DNAH1: variants seen among roughly 807,000 people sequenced by gnomAD.
DNAH1 encodes the protein axonemal beta dynein heavy chain 1.
DNAH1 carries 327 observed loss-of-function variants against 484.3 expected under a neutral mutation model. The observed-to-expected ratio is 0.68, with a 90% CI of 0.62 to 0.74. DNAH1 has a LOEUF of 0.74. DNAH1 is among the 30% of genes least tolerant of loss of function. The pLI, the probability that DNAH1 is intolerant of heterozygous loss-of-function variation, is 0.00. For synonymous variants in DNAH1, 2,192 were observed against 2,191.9 expected (o/e 1.00, Z 0.00); for missense variants, 5,052 against 5,546.8 (o/e 0.91, Z 2.83).
At position 52,388,205 on chromosome 3, in the gene DNAH1, G is replaced by A. The variant is rs61734630; in HGVS notation, c.9042G>A (p.Pro3014=). 13 of 1,609,324 alleles carry A rather than the reference G, an allele frequency of 8.1e-6. No individual in the cohort carries two copies. Among genetic ancestry groups the A allele is most frequent in the Admixed American group, 5.1e-5 (3 of 59,370 alleles). Residue 3014 remains proline (P), a synonymous_variant, in exon 57 of 78, where the codon CCG becomes CCA. Transcript: ENST00000420323. ...ATGTGGTGATCAAAGCCATCCAGCC[G>A]TACATCGATAATGAAGAGTTCCAGC... The part of the protein sequence containing the change: ...IGDVVIKAIQ[P]YIDNEEFQPA...
intron 44 of DNAH1, 126 bp downstream of exon 44, chr3:52,373,179 A>G (rs1703425017): frequency 4.2e-6 from 5 of 1,203,250 alleles, no homozygotes; most frequent in Non-Finnish European, 5.5e-6. Context: ...TTCTCTTAAA[A>G]TTAAAGGGGA....
chr3:52,387,628 G>A (rs941873693), intron 56 of DNAH1, among the ~76,000 whole-genome samples: 5 of 152,168 alleles, frequency 3.3e-5, no homozygotes, highest in African/African-American at 1.2e-4. Context: ...TGAGAGAAGC[G>A]CCCAAGTCAG....
upstream of DNAH1, among the ~76,000 whole-genome samples, chr3:52,315,157 T>C (rs1173380371): frequency 6.6e-6 from 1 of 152,140 alleles, no homozygotes; most frequent in Admixed American, 6.5e-5. Context: ...CCCATTCCCT[T>C]CTCTGACACC....
intron 52 of DNAH1, 85 bp from the exon 53 acceptor site, chr3:52,384,701 C>G: frequency 5.7e-6 from 8 of 1,400,030 alleles, no homozygotes; most frequent in Non-Finnish European, 7.6e-6. Context: ...CCCTCCTCGG[C>G]CCAGGTTGCA....
rs565016920 is a variant in DNAH1 at position 52,400,316 on chromosome 3, C to T, written c.12677-9C>T. On this transcript the variant is annotated splice_polypyrimidine_tract_variant and intron_variant, in intron 77 of 77. Coordinates refer to ENST00000420323, the MANE Select transcript of DNAH1 (RefSeq NM_015512.5). ...TGACCTAACCCGTCCCCCTCCTTGCCCATTCCAGGAACACTATCAACCACA... is the reference window on the plus strand; with the variant it reads ...TGACCTAACCCGTCCCCCTCCTTGCTCATTCCAGGAACACTATCAACCACA... 1 of 1,613,792 alleles carries T rather than the reference C, an allele frequency of 6.2e-7. No individual in the cohort carries two copies. The highest frequency in any genetic ancestry group is 8.5e-7 in the Non-Finnish European group (1 of 1,179,842).
intron 52 of DNAH1, 137 bp from the exon 53 acceptor site, chr3:52,384,649 C>T (rs1199942199): frequency 5.7e-6 from 5 of 882,574 alleles, no homozygotes; most frequent in South Asian, 1.8e-5. Context: ...TCGTGAGGCT[C>T]ATAGAGTGAA....
chr3:52,340,970 T>TCCTC (rs780188963), intron 8 of DNAH1, among the ~76,000 whole-genome samples: 13 of 151,728 alleles, frequency 8.6e-5, no homozygotes, highest in East Asian at 1.9e-4. Context: ...CTTCCTTCCT[T>TCCTC]CCTCCCTCCC....
In DNAH1 at chr3:52,381,690, G is replaced by A. The variant is rs775335940; in HGVS notation, c.7659G>A (p.Thr2553=). ...EYIEDYNQIN[T]AKLKLVLFMD... is the part of the protein sequence containing the mutation. ...TAGAGGACTACAACCAGATCAACAC[G>A]GCCAAGCTGAAGCTGGTCCTCTTCA... is the stretch of plus-strand genomic sequence containing the variant. The change falls in exon 49 of 78, where the codon ACG becomes ACA. Residue 2553 remains threonine (T), a synonymous_variant. Coordinates refer to ENST00000420323, the MANE Select transcript of DNAH1 (RefSeq NM_015512.5). This position sits in a 1 kb window ranked among gnomAD's most constrained non-coding sequence, Gnocchi z 4.1. The A allele has an allele frequency of 2.7e-5, 43 of 1,608,540 alleles. No homozygotes were observed. The East Asian group carries it at 4.7e-4, about 18-fold the overall frequency.
intron 41 of DNAH1, 133 bp downstream of exon 41, chr3:52,370,958 T>G (rs1703314616): frequency 1.2e-6 from 1 of 818,074 alleles, no homozygotes; most frequent in African/African-American, 1.7e-5. Flanking sequence ...GTTATTTGCA[T>G]CATCTCATGA....
chr3:52,381,929 G>C lies in DNAH1; in HGVS notation c.7805+93G>C, dbSNP rs746729492. On this transcript the variant is annotated intron_variant, in intron 49 of 77. Transcript: ENST00000420323. This position sits in a 1 kb window ranked among gnomAD's most constrained non-coding sequence, Gnocchi z 4.1. ...GCTTTTGCACAGTGGTAGAGGCCTCGGGCAACCCTGAAGTAGGCCCGTGCA... is the reference window on the plus strand; with the variant it reads ...GCTTTTGCACAGTGGTAGAGGCCTCCGGCAACCCTGAAGTAGGCCCGTGCA... The C allele has an allele frequency of 7.3e-7, 1 of 1,361,680 alleles. No individual in the cohort carries two copies. The highest frequency in any genetic ancestry group is 1.4e-5 in the South Asian group (1 of 70,184). The allele number at this position is 1,361,680 out of a possible 1,614,324, so 84.3% of individuals were successfully genotyped here. A position where few individuals can be genotyped will look rare whatever the true frequency, so the allele number is the denominator to read the frequency against.
rs1478039879 is a variant in DNAH1, at chr3:52,375,389, T to TC, written c.7137dup (p.Thr2380HisfsTer75). 1 of 1,613,528 alleles carries TC rather than the reference T, an allele frequency of 6.2e-7. No individual in the cohort carries two copies. The highest frequency in any genetic ancestry group is 8.5e-7 in the Non-Finnish European group (1 of 1,179,804). On this transcript the variant is annotated frameshift_variant, in exon 45 of 78. Coordinates refer to ENST00000420323, the MANE Select transcript of DNAH1 (RefSeq NM_015512.5). LOFTEE classifies it high-confidence loss of function. ...CGAGGTCAGCAAGAAACGCATCTTC[T>TC]CCACCATCCTGGGCAACTGGTTGGG...
In DNAH1 at chr3:52,379,806, GC is replaced by G; in HGVS notation, c.7378-95del. The G allele has an allele frequency of 9.5e-7, 1 of 1,057,174 alleles. No individual in the cohort carries two copies. The highest frequency in any genetic ancestry group is 2.7e-5 in the Admixed American group (1 of 36,388). 65.5% of individuals were successfully genotyped at this position (1,057,174 alleles called of 1,614,324 possible). A position where few individuals can be genotyped will look rare whatever the true frequency, so the allele number is the denominator to read the frequency against. On this transcript the variant is annotated intron_variant, in intron 47 of 77. Transcript: ENST00000420323. This position sits in a 1 kb window ranked among gnomAD's most constrained non-coding sequence, Gnocchi z 4.4. ...GTGGGAGAGCCAGGCTCCAGTCAGG[GC>G]CCCAGGAACTGGGGCCCACCCTCCC...
rs77639782 is a variant in DNAH1, at chr3:52,353,186, G to A, written c.3111G>A (p.Ser1037=). ...CAGCGTCTGACTGGCTGCGCTGGTC[G>A]GAGAGCTGGATGAATGACCCCCTCT... is the stretch of plus-strand genomic sequence containing the variant. ...WTTASDWLRW[S]ESWMNDPLSA... The change falls in exon 19 of 78, where the codon TCG becomes TCA. Residue 1037 remains serine, a synonymous_variant. Transcript: ENST00000420323. This position sits in a 1 kb window ranked among gnomAD's most constrained non-coding sequence, Gnocchi z 5.0. The A allele has an allele frequency of 7.6e-3, 12,290 of 1,613,952 alleles. 67 individuals carry two copies. The highest frequency in any genetic ancestry group is 9.5e-3 in the Non-Finnish European group (11,201 of 1,179,878).
At position 52,353,579 on chromosome 3, in the gene DNAH1, C is replaced by G. The variant is rs781118318; in HGVS notation, c.3426C>G (p.Ile1142Met). The change falls in exon 20 of 78, where the codon ATC (isoleucine) becomes ATG (methionine). Residue 1142 changes from isoleucine (I) to methionine (M), a missense_variant. Physicochemically the swap from Ile to Met is conservative, Grantham distance 10 (BLOSUM62 1). This residue lies in a region of DNAH1 where 2,929 missense variants were observed against 3,409.4 expected (regional missense o/e 0.86). Transcript: ENST00000420323. This position sits in a 1 kb window ranked among gnomAD's most constrained non-coding sequence, Gnocchi z 5.0. ...RCLEMNLQDH[I>M]ESISKVAEVA... is the part of the protein sequence containing the mutation. The stretch of plus-strand genomic sequence containing the variant: ...TGGAGATGAACCTGCAGGACCATAT[C>G]GAGAGCATCAGCAAGGTGGCTGAGG... The G allele has an allele frequency of 4.3e-6, 7 of 1,612,122 alleles. No homozygotes were observed. The highest frequency in any genetic ancestry group is 5.9e-6 in the Non-Finnish European group (7 of 1,179,226).
chr3:52,395,201 C>T lies in DNAH1; in HGVS notation c.10969-107C>T. ...CTAAAGGCTCTGAGGTTCCAGCCCC[C>T]ACCAGGAAGCCCACTGGGGACCACT... On this transcript the variant is annotated intron_variant, in intron 68 of 77. Coordinates refer to ENST00000420323, the MANE Select transcript of DNAH1 (RefSeq NM_015512.5). The surrounding 1 kb of genome is among the most constrained non-coding windows in gnomAD (Gnocchi z 4.4). The T allele has an allele frequency of 6.7e-7, 1 of 1,493,358 alleles. No individual in the cohort carries two copies. Among genetic ancestry groups the T allele is most frequent in the South Asian group, 1.3e-5 (1 of 75,962 alleles). The allele number at this position is 1,493,358 out of a possible 1,614,324, so 92.5% of individuals were successfully genotyped here.
chr3:52,388,105 C>A, intron 56 of DNAH1, 62 bp from the exon 57 acceptor site: 1 of 1,558,208 alleles, frequency 6.4e-7, no homozygotes, highest in Non-Finnish European at 8.7e-7. Context: ...CACATCCCAG[C>A]AGAGCCCTTC....
In DNAH1 at chr3:52,353,758, G is replaced by T; in HGVS notation, c.3480+125G>T. On this transcript the variant is annotated intron_variant, in intron 20 of 77. Coordinates refer to ENST00000420323, the MANE Select transcript of DNAH1 (RefSeq NM_015512.5). The surrounding 1 kb of genome is among the most constrained non-coding windows in gnomAD (Gnocchi z 5.0). ...ATAAGCCCCATCCCTGGGGTCATGA[G>T]GCCCAGGGGTTGAGATGCATTCTAT... 1 of 1,321,416 alleles carries T rather than the reference G, an allele frequency of 7.6e-7. No homozygotes were observed. The highest frequency in any genetic ancestry group is 1.5e-5 in the African/African-American group (1 of 68,336). 81.9% of individuals were successfully genotyped at this position (1,321,416 alleles called of 1,614,324 possible).
rs145999578 is a variant in DNAH1 at position 52,331,433 on chromosome 3, A to G, written c.1033+124A>G. ...TGAATTCTACTTTTCTGTTTGCCCAATGCCCTGACCGGTGAGGACCAGAGG... is the reference window on the plus strand; with the variant it reads ...TGAATTCTACTTTTCTGTTTGCCCAGTGCCCTGACCGGTGAGGACCAGAGG... On this transcript the variant is annotated intron_variant, in intron 7 of 77. Coordinates refer to ENST00000420323, the MANE Select transcript of DNAH1 (RefSeq NM_015512.5). 2.5e-4 allele frequency: 286 copies of G among 1,166,050 alleles called. 1 individual carries two copies. In the East Asian group the frequency reaches 6.4e-3, roughly 26 times the overall value. The allele number at this position is 1,166,050 out of a possible 1,614,324, so 72.2% of individuals were successfully genotyped here. A position where few individuals can be genotyped will look rare whatever the true frequency, so the allele number is the denominator to read the frequency against.
intron 44 of DNAH1, 136 bp from the exon 45 acceptor site, chr3:52,375,104 T>C: frequency 9.6e-7 from 1 of 1,040,808 alleles, no homozygotes; most frequent in Non-Finnish European, 1.4e-6. Flanking sequence ...AATTTTCCTG[T>C]GTAATATTGA....
Sources: allele counts gnomAD v4.1 joint callset (sites outside exome capture counted in the v4.1 genomes callset), GRCh38; gene constraint gnomAD v4.1.1; regional missense constraint gnomAD v4.1.1; non-coding constraint Gnocchi (gnomAD v3.1); transcripts MANE v1.5; gene names NCBI Gene and HGNC (gene_info 2026-07-23, HGNC 2026-07-21).